The following RBFOX1 variants were observed in gnomAD, a reference collection of about 807,000 sequenced individuals.
RBFOX1 encodes RNA binding protein fox-1 homolog 1.
RBFOX1 carries 8 observed loss-of-function variants against 57.7 expected under a neutral mutation model. The observed-to-expected ratio is 0.14, with a 90% CI of 0.08 to 0.25. The LOEUF is 0.25. RBFOX1 is among the 10% of genes least tolerant of loss of function. RBFOX1 has a pLI of 1.00. For synonymous variants in RBFOX1, 326 were observed against 222.4 expected (o/e 1.47, Z -4.15); for missense variants, 611 against 548.5 (o/e 1.11, Z -1.14).
intron 2 of RBFOX1, among the ~76,000 whole-genome samples, chr16:6,345,317 C>G (rs1197196883): frequency 6.6e-6 from 1 of 152,214 alleles, no homozygotes; most frequent in Non-Finnish European, 1.5e-5. Context: ...CCCCTATAGG[C>G]AGTGTGCCCA....
At chr16:6,656,069 C>T (rs1053470822) in intron 3 of RBFOX1, among the ~76,000 whole-genome samples, 3 of 152,162 alleles carry the variant, frequency 2.0e-5, no homozygotes, top group African/African-American at 7.2e-5. Context: ...TTCATGTTTG[C>T]ATTCACCATG....
rs1466725093 is a variant in RBFOX1 at position 7,712,286 on chromosome 16, G to C, written c.*1541G>C. The C allele has an allele frequency of 6.6e-6, 1 of 152,638 alleles. No homozygotes were observed. Among genetic ancestry groups the C allele is most frequent in the Non-Finnish European group, 1.5e-5 (1 of 68,060 alleles). The allele number at this position is 152,638 out of a possible 1,614,324, so 9.5% of individuals were successfully genotyped here. A position where few individuals can be genotyped will look rare whatever the true frequency, so the allele number is the denominator to read the frequency against. The stretch of plus-strand genomic sequence containing the variant: ...TTGCTGCCATAGGTTAAGTCCTCAT[G>C]TGTACAGTGCAGGCCCTGTGGCCCG... On this transcript the variant is annotated 3_prime_UTR_variant, in exon 16 of 16. Transcript: ENST00000550418.
chr16:7,322,079 G>A (rs546036782), intron 4 of RBFOX1, among the ~76,000 whole-genome samples: 139 of 152,306 alleles, frequency 9.1e-4, no homozygotes, highest in Middle Eastern at 3.4e-3. Flanking sequence ...GCTGTATTTG[G>A]TGGGTTCCCA....
At chr16:6,624,041 T>G (rs191992519) in intron 2 of RBFOX1, among the ~76,000 whole-genome samples, 1 of 152,298 alleles carries the variant, frequency 6.6e-6, no homozygotes, top group African/African-American at 2.4e-5. Flanking sequence ...ATGGTTGAAC[T>G]AGTTTACAGT....
intron 3 of RBFOX1, among the ~76,000 whole-genome samples, chr16:6,688,840 A>T (rs775337660): frequency 1.3e-5 from 2 of 151,930 alleles, no homozygotes; most frequent in African/African-American, 2.4e-5. Context: ...CCCTGTGTCC[A>T]TGTGTTCTCA....
chr16:7,157,562 A>C (rs1213410535), intron 4 of RBFOX1, among the ~76,000 whole-genome samples: 3 of 152,150 alleles, frequency 2.0e-5, no homozygotes, highest in African/African-American at 7.2e-5. Flanking sequence ...GCATAGCTTA[A>C]GTCCAGGCAC....
intron 2 of RBFOX1, among the ~76,000 whole-genome samples, chr16:5,550,662 C>T (rs539518711): frequency 3.3e-5 from 5 of 152,220 alleles, no homozygotes; most frequent in Admixed American, 1.3e-4. Flanking sequence ...ATTTATGGTA[C>T]GTTAGCAAAT....
chr16:6,032,618 A>G (rs549437054), intron 1 of RBFOX1, among the ~76,000 whole-genome samples: 1 of 152,312 alleles, frequency 6.6e-6, no homozygotes, highest in South Asian at 2.1e-4. Flanking sequence ...TGTCTTAAAA[A>G]AAGTTTATGA....
At chr16:7,647,193 TGTATATAA>T (rs2063917303) in intron 11 of RBFOX1, among the ~76,000 whole-genome samples, 1 of 152,192 alleles carries the variant, frequency 6.6e-6, no homozygotes, top group African/African-American at 2.4e-5. Context: ...GAATATGCTC[TGTATATAA>T]ATCTAGCTGA....
rs573997418 is a variant in RBFOX1, at chr16:7,695,465, C to T, written c.996-13591C>T. Among the ~76,000 whole-genome samples, 2 of 151,972 alleles carry T rather than the reference C, an allele frequency of 1.3e-5. 1 individual carries two copies. Among genetic ancestry groups the T allele is most frequent in the East Asian group, 3.9e-4 (2 of 5,140 alleles). On this transcript the variant is annotated intron_variant, in intron 14 of 15. Coordinates refer to ENST00000550418, the MANE Select transcript of RBFOX1 (RefSeq NM_018723.4). ...GTCAGGAGTCTAAGACCAGCCTGGC[C>T]AACATGGTGAAACCCCATCTCTACT...
chr16:6,175,760 G>A (rs780326513), intron 1 of RBFOX1, among the ~76,000 whole-genome samples: 2 of 152,168 alleles, frequency 1.3e-5, no homozygotes, highest in Non-Finnish European at 2.9e-5. Context: ...CTGGTCTGTG[G>A]ACTGCACTTT....
intron 4 of RBFOX1, among the ~76,000 whole-genome samples, chr16:7,404,633 C>A (rs2098304778): frequency 6.6e-6 from 1 of 152,216 alleles, no homozygotes; most frequent in African/African-American, 2.4e-5. Context: ...CCCTGTCTCT[C>A]AGTCATGCTG....
chr16:7,011,748 T>C (rs1026809570), intron 3 of RBFOX1, among the ~76,000 whole-genome samples: 2 of 152,156 alleles, frequency 1.3e-5, no homozygotes, highest in Non-Finnish European at 2.9e-5. Context: ...TCTCCTGACC[T>C]CGTGATCCGC....
intron 2 of RBFOX1, among the ~76,000 whole-genome samples, chr16:6,456,518 C>G (rs1237822005): frequency 6.6e-6 from 1 of 152,160 alleles, no homozygotes; most frequent in Non-Finnish European, 1.5e-5. Context: ...ACTTAGGGCC[C>G]TGTTAAGGCA....
At chr16:6,888,577 G>C (rs555763220) in intron 3 of RBFOX1, among the ~76,000 whole-genome samples, 1 of 151,858 alleles carries the variant, frequency 6.6e-6, no homozygotes, top group African/African-American at 2.4e-5. Context: ...GTAAAATATT[G>C]TGTCCGTAGG....
intron 7 of RBFOX1, among the ~76,000 whole-genome samples, chr16:7,592,287 C>G (rs2094482399): frequency 6.6e-6 from 1 of 152,178 alleles, no homozygotes; most frequent in Non-Finnish European, 1.5e-5. Context: ...ATAGATGAGG[C>G]TATTTCCTTT....
chr16:6,524,428 T>C (rs960733346), intron 2 of RBFOX1, among the ~76,000 whole-genome samples: 3 of 152,224 alleles, frequency 2.0e-5, no homozygotes, highest in Non-Finnish European at 2.9e-5. Context: ...GATCTTTTTA[T>C]GGCAGCAGTG....
intron 4 of RBFOX1, among the ~76,000 whole-genome samples, chr16:5,958,165 T>C (rs2059683262): frequency 6.6e-6 from 1 of 152,224 alleles, no homozygotes; most frequent in Non-Finnish European, 1.5e-5. Context: ...CTTTTTTGTG[T>C]AAAGGGCTTA....
intron 3 of RBFOX1, among the ~76,000 whole-genome samples, chr16:6,933,180 C>A (rs543158032): frequency 6.6e-6 from 1 of 152,298 alleles, no homozygotes; most frequent in South Asian, 2.1e-4. Context: ...ACTTGAGTTA[C>A]TGTGAATGAT....
Sources: gnomAD v4.1 joint callset for allele counts (sites outside exome capture counted in the v4.1 genomes callset) on GRCh38, gnomAD v4.1.1 for gene constraint, MANE v1.5 for transcripts, NCBI Gene and HGNC (gene_info 2026-07-23, HGNC 2026-07-21) for gene names.